The following ADGRB3 variants were observed in gnomAD, a reference collection of about 807,000 sequenced individuals.
The protein encoded by ADGRB3 is brain-specific angiogenesis inhibitor 3.
A neutral mutation model predicts 193.4 loss-of-function variants in ADGRB3; 37 were observed. That is an observed-to-expected ratio of 0.19 (90% CI 0.15 to 0.25). The LOEUF (loss-of-function observed/expected upper bound fraction) is 0.25, where lower values mean the gene tolerates loss of function less well. Among genes scored for constraint, ADGRB3 ranks in the 10% least tolerant of loss-of-function variants. The pLI is 1.00. For synonymous variants in ADGRB3, 690 were observed against 644.2 expected (o/e 1.07, Z -1.08); for missense variants, 1,637 against 1,852.9 (o/e 0.88, Z 2.14).
intron 10 of ADGRB3, among the ~76,000 whole-genome samples, chr6:68,991,570 C>CAA (rs112438239): frequency 2.6e-3 from 329 of 126,656 alleles, no homozygotes; most frequent in Middle Eastern, 3.9e-3. Context: ...CTCGCTCCCA[C>CAA]AAAAAAAAAA....
intron 17 of ADGRB3, among the ~76,000 whole-genome samples, chr6:69,229,866 A>C (rs1449900008): frequency 4.1e-4 from 63 of 152,224 alleles, no homozygotes; most frequent in Non-Finnish European, 2.9e-5. Flanking sequence ...GGGGAAAGGC[A>C]TCAAGTAAAT....
At chr6:68,725,935 A>G (rs1053732269) in intron 3 of ADGRB3, among the ~76,000 whole-genome samples, 4 of 151,728 alleles carry the variant, frequency 2.6e-5, no homozygotes, top group Middle Eastern at 3.4e-3. Context: ...CAAGATTAAA[A>G]TAGAGGAAGG....
chr6:69,143,233 AT>A (rs562528482), intron 17 of ADGRB3, among the ~76,000 whole-genome samples: 11 of 150,034 alleles, frequency 7.3e-5, no homozygotes, highest in East Asian at 2.0e-4. Context: ...GAATTCACAG[AT>A]TTTTTTTTTC....
At chr6:68,661,305 ATG>A (rs1229319999) in intron 3 of ADGRB3, among the ~76,000 whole-genome samples, 3,933 of 91,402 alleles carry the variant, frequency 0.043, 174 homozygotes, top group African/African-American at 0.061. Flanking sequence ...ATATATATAT[ATG>A]TGTGTGTGTG....
At chr6:68,638,610 C>A (rs1453941085) in intron 2 of ADGRB3, 51 bp from the exon 3 acceptor site, 2 of 1,480,890 alleles carry the variant, frequency 1.4e-6, no homozygotes, top group African/African-American at 1.4e-5. Flanking sequence ...TTTATTTTCT[C>A]AATGCACGTA....
At chr6:69,214,218 T>C (rs1765727200) in intron 17 of ADGRB3, among the ~76,000 whole-genome samples, 1 of 152,120 alleles carries the variant, frequency 6.6e-6, no homozygotes, top group Admixed American at 6.6e-5. Flanking sequence ...TGAAAACTCG[T>C]TAGTTCCCTT....
chr6:68,847,538 A>G (rs573719874), intron 3 of ADGRB3, among the ~76,000 whole-genome samples: 1 of 152,278 alleles, frequency 6.6e-6, no homozygotes, highest in African/African-American at 2.4e-5. Flanking sequence ...AAGTCTCACA[A>G]GATCTAATGG....
At chr6:68,639,544 T>G (rs1768034270) in intron 3 of ADGRB3, 112 bp downstream of exon 3, 2 of 1,327,252 alleles carry the variant, frequency 1.5e-6, no homozygotes, top group Admixed American at 2.9e-5. Context: ...TGTCACTTTT[T>G]GATTCATTTG....
At chr6:68,958,081 A>G (rs904703072) in intron 8 of ADGRB3, among the ~76,000 whole-genome samples, 2 of 152,042 alleles carry the variant, frequency 1.3e-5, no homozygotes, top group African/African-American at 4.8e-5. Context: ...TGCACCTGTA[A>G]TCCCAGCTAC....
chr6:68,892,618 T>G (rs1272442397), intron 3 of ADGRB3, among the ~76,000 whole-genome samples: 1 of 152,180 alleles, frequency 6.6e-6, no homozygotes, highest in African/African-American at 2.4e-5. Context: ...CATGTGTGTC[T>G]TAACATTTCT....
intron 17 of ADGRB3, among the ~76,000 whole-genome samples, chr6:69,142,567 A>G (rs1774368959): frequency 6.6e-6 from 1 of 152,180 alleles, no homozygotes; most frequent in African/African-American, 2.4e-5. Context: ...TTTGGTTATA[A>G]GGTCAAGGCC....
intron 17 of ADGRB3, among the ~76,000 whole-genome samples, chr6:69,195,522 C>CAAAAAAAAAAAAAAAAAA (rs542731165): frequency 1.5e-5 from 1 of 65,124 alleles, no homozygotes; most frequent in African/African-American, 5.0e-5. Flanking sequence ...TATCCTGTCT[C>CAAAAAAAAAAAAAAAAAA]AAAAAAAAAA....
chr6:68,918,627 A>C (rs1766945482), intron 3 of ADGRB3, among the ~76,000 whole-genome samples: 2 of 152,210 alleles, frequency 1.3e-5, no homozygotes, highest in African/African-American at 4.8e-5. Flanking sequence ...TAGAAATTCA[A>C]CATCCTCTTA....
intron 29 of ADGRB3, 93 bp from the exon 30 acceptor site, chr6:69,372,313 T>C (rs1582663673): frequency 2.5e-5 from 17 of 673,074 alleles, no homozygotes; most frequent in Middle Eastern, 4.1e-4. Context: ...AGCAGGATTA[T>C]CTTTAATGAA....
intron 6 of ADGRB3, among the ~76,000 whole-genome samples, chr6:68,950,275 T>A (rs1274399383): frequency 6.6e-6 from 1 of 152,148 alleles, no homozygotes; most frequent in African/African-American, 2.4e-5. Flanking sequence ...CAAGTTGATC[T>A]TAAACTTATA....
intron 13 of ADGRB3, among the ~76,000 whole-genome samples, chr6:69,034,663 G>A (rs888257848): frequency 1.1e-4 from 16 of 147,954 alleles, no homozygotes; most frequent in Non-Finnish European, 1.9e-4. Context: ...GACAGAGAGA[G>A]AGACAGAGAG....
chr6:69,265,986 G>A (rs1015662588), intron 20 of ADGRB3, among the ~76,000 whole-genome samples: 5 of 151,906 alleles, frequency 3.3e-5, no homozygotes, highest in Non-Finnish European at 5.9e-5. Context: ...CAAATCACTC[G>A]AATTCTTTCA....
chr6:69,337,125 A>G (rs1430264394), intron 24 of ADGRB3, among the ~76,000 whole-genome samples: 2 of 152,222 alleles, frequency 1.3e-5, no homozygotes, highest in African/African-American at 4.8e-5. Context: ...GGTCTAAAAT[A>G]CTTACACTAT....
chr6:69,258,871 G>A (rs1030912330), intron 20 of ADGRB3, among the ~76,000 whole-genome samples: 4 of 152,130 alleles, frequency 2.6e-5, no homozygotes, highest in South Asian at 4.1e-4. Context: ...CTCCACAGGC[G>A]ATTCTGATAG....
Sources: gnomAD v4.1 joint callset for allele counts (sites outside exome capture counted in the v4.1 genomes callset) on GRCh38, gnomAD v4.1.1 for gene constraint, MANE v1.5 for transcripts, NCBI Gene and HGNC (gene_info 2026-07-23, HGNC 2026-07-21) for gene names.